Variants in ASXL1 observed in about 807,000 individuals in gnomAD.
ASXL1 encodes the protein ASXL transcriptional regulator 1.
In ASXL1, 65 loss-of-function variants were observed where a neutral mutation model predicts 89.1. The observed-to-expected ratio is 0.73, with a 90% CI of 0.60 to 0.90. The LOEUF is 0.90. ASXL1 is among the 40% of genes least tolerant of loss of function. The probability of loss-of-function intolerance (pLI) is 0.00; values close to 1 mark genes in which losing one functional copy is unlikely to be tolerated. For synonymous variants in ASXL1, 739 were observed against 746.9 expected, an observed-to-expected ratio of 0.99 and a Z score of 0.17; for missense variants, 1,786 against 1,942.9, an observed-to-expected ratio of 0.92 and a Z score of 1.52.
In ASXL1 at chr20:32,385,074, A is replaced by T. The variant is rs2048555818; in HGVS notation, c.252+15951A>T. Reference sequence around the variant, plus strand: ...GGAGAGTTAGTTGAAGAATTTGTTTAGTCTAAGAAAGTTGCTTCTAGCTTA... The same window carrying T: ...GGAGAGTTAGTTGAAGAATTTGTTTTGTCTAAGAAAGTTGCTTCTAGCTTA... On this transcript the variant is annotated intron_variant, in intron 4 of 12. Coordinates refer to ENST00000375687, the MANE Select transcript of ASXL1 (RefSeq NM_015338.6). Among the ~76,000 whole-genome samples the T allele has an allele frequency of 2.6e-5, 4 of 152,154 alleles. No homozygotes were observed. The South Asian group carries it at 8.3e-4, about 32-fold the overall frequency.
At chr20:32,359,160 G>A (rs1354093390) in intron 1 of ASXL1, 5 of 668,064 alleles carry the variant, frequency 7.5e-6, no homozygotes, top group South Asian at 6.5e-5. Flanking sequence ...AGCGTCTGGG[G>A]GTCTGGGGCA....
chr20:32,422,290 T>TA (rs1569308765), intron 4 of ASXL1, among the ~76,000 whole-genome samples: 2 of 151,156 alleles, frequency 1.3e-5, no homozygotes, highest in Non-Finnish European at 2.9e-5. Context: ...CATTAAATGG[T>TA]ACACCTAAGA....
At chr20:32,410,958 G>A (rs180907305) in intron 4 of ASXL1, among the ~76,000 whole-genome samples, 118 of 145,488 alleles carry the variant, frequency 8.1e-4, no homozygotes, top group African/African-American at 2.8e-3. Flanking sequence ...CTTGAACCCT[G>A]GAGATGGAGG....
At chr20:32,359,735 C>G (rs922907351) in intron 1 of ASXL1, 7 of 718,022 alleles carry the variant, frequency 9.7e-6, no homozygotes. Context: ...TTGAAGCCGT[C>G]TCGTTCAACC....
intron 4 of ASXL1, among the ~76,000 whole-genome samples, chr20:32,369,367 A>G (rs931552719): frequency 5.3e-5 from 8 of 151,222 alleles, no homozygotes; most frequent in African/African-American, 9.7e-5. Flanking sequence ...TCCCACCTCA[A>G]CCTCCCAAGT....
At position 32,380,237 on chromosome 20, in the gene ASXL1, G is replaced by A. The variant is rs758566095; in HGVS notation, c.252+11114G>A. On this transcript the variant is annotated intron_variant, in intron 4 of 12. Coordinates refer to ENST00000375687, the MANE Select transcript of ASXL1 (RefSeq NM_015338.6). ...GCGGAGATTGCAATGAGCCTATTGC[G>A]CAACTGCACTGTAGCCTGGGCGACA... is the stretch of plus-strand genomic sequence containing the variant. Among the ~76,000 whole-genome samples, 31 of 151,868 alleles carry A rather than the reference G, an allele frequency of 2.0e-4. 1 individual carries two copies. Among genetic ancestry groups the A allele is most frequent in the African/African-American group, 7.3e-5 (3 of 41,290 alleles).
chr20:32,405,726 A>G (rs978174339), intron 4 of ASXL1, among the ~76,000 whole-genome samples: 1 of 152,154 alleles, frequency 6.6e-6, no homozygotes, highest in African/African-American at 2.4e-5. Context: ...GAATTTTCTC[A>G]TAATTGGATT....
rs917047984 is a variant in ASXL1 at position 32,433,488 on chromosome 20, A to G, written c.1290A>G (p.Ser430=). ...GGAATCTGTACAAAAAACAGGAGTC[A>G]GAACAAGCAGGGGTTGCTAAGGATG... ...ARRNLYKKQE[S]EQAGVAKDAK... Residue 430 remains serine, a synonymous_variant, in exon 12 of 13, where the codon TCA becomes TCG. Coordinates refer to ENST00000375687, the MANE Select transcript of ASXL1 (RefSeq NM_015338.6). 14 of 1,614,208 alleles carry G rather than the reference A, an allele frequency of 8.7e-6. No individual in the cohort carries two copies. The highest frequency in any genetic ancestry group is 1.2e-5 in the Non-Finnish European group (14 of 1,180,048).
intron 4 of ASXL1, among the ~76,000 whole-genome samples, chr20:32,388,413 T>G (rs2048616646): frequency 6.6e-6 from 1 of 152,106 alleles, no homozygotes; most frequent in Non-Finnish European, 1.5e-5. Flanking sequence ...TGACCTCAGG[T>G]CATCTGCCCG....
intron 4 of ASXL1, among the ~76,000 whole-genome samples, chr20:32,370,712 T>C (rs940258795): frequency 6.6e-6 from 1 of 152,202 alleles, no homozygotes; most frequent in Non-Finnish European, 1.5e-5. Context: ...TTGGTCTTTA[T>C]ATATAAATAA....
rs1381834100 is a variant in ASXL1, at chr20:32,436,904, C to G, written c.4192C>G (p.His1398Asp). 1.2e-6 allele frequency: 2 copies of G among 1,614,078 alleles called. No homozygotes were observed. Among genetic ancestry groups the G allele is most frequent in the Non-Finnish European group, 1.7e-6 (2 of 1,180,030 alleles). Residue 1398 changes from histidine (H) to aspartate (D), a missense_variant, in exon 13 of 13, where the codon CAC becomes GAC. By Grantham distance (81) the His-to-Asp change is moderately conservative. Coordinates refer to ENST00000375687, the MANE Select transcript of ASXL1 (RefSeq NM_015338.6). ...TGHSPLELVGHLEGMPFVMDL... is the reference protein window; with the variant it reads ...TGHSPLELVGDLEGMPFVMDL... The stretch of plus-strand genomic sequence containing the variant: ...GCATAGTCCCCTGGAACTGGTGGGT[C>G]ACTTGGAAGGGATGCCCTTTGTCAT...
intron 11 of ASXL1, 128 bp downstream of exon 11, chr20:32,433,113 T>C (rs2011577421): frequency 2.0e-6 from 3 of 1,536,478 alleles, no homozygotes; most frequent in Non-Finnish European, 2.6e-6. Context: ...GGGTCATTTA[T>C]CTTAATGCCA....
intron 4 of ASXL1, among the ~76,000 whole-genome samples, chr20:32,390,234 T>A (rs912630066): frequency 1.3e-5 from 2 of 152,206 alleles, no homozygotes; most frequent in Non-Finnish European, 2.9e-5. Flanking sequence ...ATTTATTGAA[T>A]ACTAAAGTGA....
chr20:32,432,701 A>T, intron 10 of ASXL1, 179 bp from the exon 11 acceptor site: 1 of 703,178 alleles, frequency 1.4e-6, no homozygotes, highest in South Asian at 1.8e-5. Flanking sequence ...GCTTGGTCTC[A>T]CTTTAAGGAA....
At chr20:32,413,937 C>A (rs1269095561) in intron 4 of ASXL1, among the ~76,000 whole-genome samples, 31 of 152,138 alleles carry the variant, frequency 2.0e-4, no homozygotes. Flanking sequence ...TAAATTGAGG[C>A]CTTACATGTC....
chr20:32,358,983 C>G (rs996002104), intron 1 of ASXL1, 151 bp downstream of exon 1: 1 of 866,496 alleles, frequency 1.2e-6, no homozygotes, highest in South Asian at 1.9e-5. Context: ...CCCCGCAAGG[C>G]GAGGGGTGGG....
intron 1 of ASXL1, among the ~76,000 whole-genome samples, chr20:32,365,667 A>G (rs1281749102): frequency 2.0e-5 from 3 of 152,334 alleles, no homozygotes. Context: ...GCAGTTGCAC[A>G]CTAAGAAAAT....
intron 4 of ASXL1, among the ~76,000 whole-genome samples, chr20:32,385,343 C>T (rs2048561224): frequency 6.6e-6 from 1 of 152,166 alleles, no homozygotes; most frequent in Admixed American, 6.5e-5. Context: ...TGAGTCAGTT[C>T]TCAAATGTTT....
chr20:32,425,606 T>A (rs756665586), intron 4 of ASXL1, among the ~76,000 whole-genome samples: 1 of 152,230 alleles, frequency 6.6e-6, no homozygotes, highest in Non-Finnish European at 1.5e-5. Flanking sequence ...AATACCCTTT[T>A]ATATGTTTTG....
Sources: gnomAD v4.1 joint callset for allele counts (sites outside exome capture counted in the v4.1 genomes callset) on GRCh38, gnomAD v4.1.1 for gene constraint, MANE v1.5 for transcripts, NCBI Gene and HGNC (gene_info 2026-07-23, HGNC 2026-07-21) for gene names.